Variants in ATP8A1 observed in about 807,000 individuals in gnomAD.
The protein encoded by ATP8A1 is ATPase phospholipid transporting 8A1.
In ATP8A1, 90 loss-of-function variants were observed where a neutral mutation model predicts 177.7. The observed-to-expected ratio is 0.51, with a 90% CI of 0.43 to 0.60. ATP8A1 has a LOEUF of 0.60. ATP8A1 is among the 20% of genes least tolerant of loss of function. ATP8A1 has a pLI of 0.00. For synonymous variants in ATP8A1, 493 were observed against 485.9 expected, an observed-to-expected ratio of 1.01 and a Z score of -0.19; for missense variants, 1,072 against 1,392.8, an observed-to-expected ratio of 0.77 and a Z score of 3.67.
intron 15 of ATP8A1, chr4:42,562,050 C>T (rs994567275): frequency 2.6e-5 from 4 of 152,096 alleles, no homozygotes; most frequent in African/African-American, 9.7e-5. Flanking sequence ...AATTTTGATC[C>T]AATAGTAGAG....
chr4:42,546,064 A>G, intron 19 of ATP8A1, among the ~76,000 whole-genome samples: 1 of 152,108 alleles, frequency 6.6e-6, no homozygotes, highest in East Asian at 1.9e-4. Context: ...TTTTCCTGAT[A>G]TGATGGAAGA....
At chr4:42,539,756 A>C (rs1407065167) in intron 20 of ATP8A1, among the ~76,000 whole-genome samples, 2 of 152,164 alleles carry the variant, frequency 1.3e-5, no homozygotes, top group East Asian at 3.8e-4. Context: ...AATAAGGATG[A>C]AACTGAACCC....
At chr4:42,496,755 C>G (rs1723309896) in intron 24 of ATP8A1, among the ~76,000 whole-genome samples, 1 of 152,028 alleles carries the variant, frequency 6.6e-6, no homozygotes, top group South Asian at 2.1e-4. Context: ...CACATATACA[C>G]ACATATATAT....
chr4:42,418,165 C>G (rs1713458874), intron 35 of ATP8A1, among the ~76,000 whole-genome samples: 1 of 152,138 alleles, frequency 6.6e-6, no homozygotes. Flanking sequence ...CCACCGAGTT[C>G]TCTGACACCT....
chr4:42,587,242 G>A (rs1276904778), intron 8 of ATP8A1, among the ~76,000 whole-genome samples: 1 of 152,072 alleles, frequency 6.6e-6, no homozygotes, highest in African/African-American at 2.4e-5. Flanking sequence ...TTAGGTTCAG[G>A]GGTGTACAAT....
chr4:42,627,812 T>G (rs1738271108), intron 1 of ATP8A1, among the ~76,000 whole-genome samples: 1 of 152,214 alleles, frequency 6.6e-6, no homozygotes, highest in East Asian at 1.9e-4. Context: ...TGTCTTCTAG[T>G]GAAAAATCAA....
At chr4:42,609,693 T>C (rs115083662) in intron 5 of ATP8A1, among the ~76,000 whole-genome samples, 1,694 of 152,268 alleles carry the variant, frequency 0.011, 27 homozygotes, top group African/African-American at 0.038. Flanking sequence ...CCAGGTCCAG[T>C]TGAATCTATC....
intron 24 of ATP8A1, among the ~76,000 whole-genome samples, chr4:42,490,146 T>G (rs550230330): frequency 9.4e-4 from 143 of 152,260 alleles, no homozygotes; most frequent in Admixed American, 2.0e-3. Flanking sequence ...GCCTGTGTGG[T>G]CATTCTGGAC....
At chr4:42,468,386 ATGTG>A (rs997660907) in intron 25 of ATP8A1, among the ~76,000 whole-genome samples, 1 of 151,806 alleles carries the variant, frequency 6.6e-6, no homozygotes, top group African/African-American at 2.4e-5. Flanking sequence ...ATATATATGT[ATGTG>A]TGTGTATATA....
chr4:42,647,212 C>G (rs772499403), intron 1 of ATP8A1, among the ~76,000 whole-genome samples: 1 of 152,180 alleles, frequency 6.6e-6, no homozygotes, highest in African/African-American at 2.4e-5. Context: ...ACTTAAACCT[C>G]AAGATCTACA....
intron 6 of ATP8A1, among the ~76,000 whole-genome samples, chr4:42,597,780 A>G (rs921867656): frequency 6.6e-6 from 1 of 152,166 alleles, no homozygotes; most frequent in Non-Finnish European, 1.5e-5. Context: ...TCTCAATATA[A>G]ATAGCCAAAC....
chr4:42,442,805 T>C (rs945060294), intron 33 of ATP8A1, among the ~76,000 whole-genome samples: 1 of 152,234 alleles, frequency 6.6e-6, no homozygotes, highest in African/African-American at 2.4e-5. Context: ...AACAATGTAC[T>C]GTCACGGAGC....
At chr4:42,486,534 T>G (rs778730839) in intron 24 of ATP8A1, among the ~76,000 whole-genome samples, 10 of 152,184 alleles carry the variant, frequency 6.6e-5, no homozygotes, top group Non-Finnish European at 1.5e-4. Context: ...CTACTTTACT[T>G]TTTACACGAC....
At chr4:42,455,689 T>C (rs962302101) in intron 27 of ATP8A1, 90 bp from the exon 28 acceptor site, 6 of 1,093,604 alleles carry the variant, frequency 5.5e-6, no homozygotes, top group African/African-American at 4.8e-5. Context: ...TGCTGCATAA[T>C]AGCAGCATTA....
chr4:42,586,578 C>G, intron 8 of ATP8A1, 102 bp from the exon 9 acceptor site: 2 of 1,152,496 alleles, frequency 1.7e-6, no homozygotes, highest in Admixed American at 2.5e-5. Flanking sequence ...TCTAAAAGAT[C>G]CCATTATTTT....
At chr4:42,486,533 T>C (rs1347176191) in intron 24 of ATP8A1, among the ~76,000 whole-genome samples, 2 of 152,230 alleles carry the variant, frequency 1.3e-5, no homozygotes, top group Non-Finnish European at 2.9e-5. Context: ...TCTACTTTAC[T>C]TTTTACACGA....
intron 1 of ATP8A1, among the ~76,000 whole-genome samples, chr4:42,641,010 G>T: frequency 8.1e-6 from 1 of 123,432 alleles, no homozygotes; most frequent in East Asian, 2.9e-4. Context: ...CCCCTCACCA[G>T]AAAAAAAAAA....
At chr4:42,558,296 G>A (rs1321986569) in intron 15 of ATP8A1, among the ~76,000 whole-genome samples, 1 of 152,158 alleles carries the variant, frequency 6.6e-6, no homozygotes, top group African/African-American at 2.4e-5. Context: ...AAAAATGCAA[G>A]CCAACATCAA....
At chr4:42,502,137 A>G (rs758842894) in intron 24 of ATP8A1, among the ~76,000 whole-genome samples, 1 of 152,108 alleles carries the variant, frequency 6.6e-6, no homozygotes, top group African/African-American at 2.4e-5. Flanking sequence ...GTGCTAGGCC[A>G]TTTGCAGGGC....
Sources: allele counts gnomAD v4.1 joint callset (sites outside exome capture counted in the v4.1 genomes callset), GRCh38; gene constraint gnomAD v4.1.1; transcripts MANE v1.5; gene names NCBI Gene and HGNC (gene_info 2026-07-23, HGNC 2026-07-21).